KALRN: variants seen among roughly 807,000 people sequenced by gnomAD.
KALRN encodes kalirin.
Under a neutral mutation model 353.7 loss-of-function variants are expected in KALRN, and 70 were observed. That is an observed-to-expected ratio of 0.20 (90% CI 0.16 to 0.24). KALRN has a LOEUF of 0.24. KALRN is among the 10% of genes least tolerant of loss of function. The probability of loss-of-function intolerance (pLI) is 1.00; values close to 1 mark genes in which losing one functional copy is unlikely to be tolerated. For missense variants in KALRN, 2,791 were observed against 3,756.7 expected, an observed-to-expected ratio of 0.74 and a Z score of 6.72; for synonymous variants, 1,391 against 1,434.8, an observed-to-expected ratio of 0.97 and a Z score of 0.69.
intron 57 of KALRN, among the ~76,000 whole-genome samples, chr3:124,707,447 C>T (rs147054658): frequency 1.0e-3 from 94 of 94,136 alleles, no homozygotes; most frequent in African/African-American, 3.6e-3. Context: ...CCTTCCTTCC[C>T]TCCTTCCTTC....
intron 1 of KALRN, among the ~76,000 whole-genome samples, chr3:124,195,188 CT>C (rs2075308917): frequency 6.6e-6 from 1 of 152,126 alleles, no homozygotes; most frequent in Non-Finnish European, 1.5e-5. Context: ...ACTATAGCCC[CT>C]CATTAATGAA....
Position 124,679,486 on chromosome 3 carries a change from G to A in KALRN, c.7346G>A (p.Cys2449Tyr), listed in dbSNP as rs1285372467. 2 of 1,614,186 alleles carry A rather than the reference G, an allele frequency of 1.2e-6. No individual in the cohort carries two copies. Among genetic ancestry groups the A allele is most frequent in the South Asian group, 2.2e-5 (2 of 91,072 alleles). ...ACGAACAGTTCCGAGGAATCAGAGT[G>A]TGATGATCTTGACCCTAATACTAGC... ...KETNSSEESECDDLDPNTSME... is the reference protein window; with the variant it reads ...KETNSSEESEYDDLDPNTSME... The change falls in exon 51 of 60, where the codon TGT (cysteine) becomes TAT (tyrosine). Residue 2449 changes from cysteine to tyrosine, a missense_variant. By Grantham distance (194) the Cys-to-Tyr change is radical. Around this residue, in one of 11 missense-constraint regions of KALRN, gnomAD observed 1,065 missense variants for 1,156.4 expected, o/e 0.92. Coordinates refer to ENST00000682506, the MANE Select transcript of KALRN (RefSeq NM_001388419.1).
chr3:124,434,964 T>C (rs917546852), intron 17 of KALRN, among the ~76,000 whole-genome samples: 2 of 152,232 alleles, frequency 1.3e-5, no homozygotes, highest in Non-Finnish European at 2.9e-5. Flanking sequence ...GCAGACTGGG[T>C]CTAGATCTGT....
chr3:124,268,648 T>G, intron 4 of KALRN, 95 bp from the exon 5 acceptor site: 1 of 1,307,910 alleles, frequency 7.6e-7, no homozygotes, highest in Non-Finnish European at 1.1e-6. Flanking sequence ...TGGTCATTAT[T>G]ATGTGGATTT....
intron 37 of KALRN, among the ~76,000 whole-genome samples, chr3:124,644,723 T>C (rs1268744087): frequency 6.6e-6 from 1 of 152,204 alleles, no homozygotes; most frequent in African/African-American, 2.4e-5. Context: ...ATCCAGTCTA[T>C]CATTGATGGG....
intron 33 of KALRN, among the ~76,000 whole-genome samples, chr3:124,526,170 G>A (rs948514138): frequency 6.6e-6 from 1 of 152,170 alleles, no homozygotes; most frequent in Admixed American, 6.5e-5. Flanking sequence ...AAAGGGGATT[G>A]CTTAGATCAT....
At chr3:124,544,428 G>A (rs1232759552) in intron 33 of KALRN, among the ~76,000 whole-genome samples, 5 of 152,282 alleles carry the variant, frequency 3.3e-5, no homozygotes, top group East Asian at 1.9e-4. Context: ...AGGCGTGGTG[G>A]TGGGTGCCTG....
intron 1 of KALRN, among the ~76,000 whole-genome samples, chr3:124,168,675 G>A (rs1361740453): frequency 1.3e-5 from 2 of 152,132 alleles, no homozygotes; most frequent in Non-Finnish European, 2.9e-5. Flanking sequence ...CTTTCCGTCT[G>A]CTTCCTCTCA....
chr3:124,303,922 T>C (rs541351656), intron 6 of KALRN, among the ~76,000 whole-genome samples: 12 of 151,940 alleles, frequency 7.9e-5, no homozygotes, highest in Non-Finnish European at 1.6e-4. Flanking sequence ...CAAGGAAAAA[T>C]CAGATCTGGT....
At chr3:124,220,116 T>G (rs2077727252) in intron 1 of KALRN, among the ~76,000 whole-genome samples, 1 of 152,036 alleles carries the variant, frequency 6.6e-6, no homozygotes, top group Non-Finnish European at 1.5e-5. Context: ...GGCTAATATT[T>G]GTATTTTTAG....
intron 1 of KALRN, among the ~76,000 whole-genome samples, chr3:124,198,190 A>C (rs2075624042): frequency 1.3e-5 from 2 of 152,168 alleles, no homozygotes. Flanking sequence ...TTACTCCTAG[A>C]GGTCATCTAA....
chr3:124,238,573 G>T (rs1358803591), intron 3 of KALRN, among the ~76,000 whole-genome samples: 1 of 152,168 alleles, frequency 6.6e-6, no homozygotes, highest in Non-Finnish European at 1.5e-5. Context: ...CAGGGCCTCA[G>T]AACAGAGTAT....
chr3:124,568,338 G>C lies in KALRN; in HGVS notation c.5182+5249G>C, dbSNP rs891775559. Among the ~76,000 whole-genome samples the C allele has an allele frequency of 3.9e-5, 6 of 152,182 alleles. No homozygotes were observed. The South Asian group carries it at 1.2e-3, about 31-fold the overall frequency. ...AAAGGATGGCTATTGTTTAAAATGT[G>C]CACACACAGAAAATAACAAGTGTTA... On this transcript the variant is annotated intron_variant, in intron 34 of 59. Transcript: ENST00000682506.
chr3:124,135,065 A>T (rs1388509358), intron 1 of KALRN, among the ~76,000 whole-genome samples: 4 of 152,236 alleles, frequency 2.6e-5, no homozygotes, highest in Non-Finnish European at 5.9e-5. Context: ...CTTGAAAAAG[A>T]TACTTGCACA....
chr3:124,159,375 A>C (rs915166653), intron 1 of KALRN, among the ~76,000 whole-genome samples: 3 of 151,912 alleles, frequency 2.0e-5, no homozygotes, highest in Non-Finnish European at 4.4e-5. Flanking sequence ...GGCTCAAGTG[A>C]CCCTCCTACC....
chr3:124,162,424 AAAG>A (rs1191453116), intron 1 of KALRN: 5 of 152,166 alleles, frequency 3.3e-5, no homozygotes, highest in African/African-American at 1.2e-4. Flanking sequence ...ACAAAGAAAA[AAAG>A]CAATGTCTCC....
At chr3:124,509,679 A>G (rs183826322) in intron 33 of KALRN, among the ~76,000 whole-genome samples, 2 of 152,204 alleles carry the variant, frequency 1.3e-5, no homozygotes, top group East Asian at 1.9e-4. Context: ...ATTTCACTCT[A>G]TACATTATAT....
At chr3:124,057,371 A>G (rs2041643093) in intron 1 of KALRN, among the ~76,000 whole-genome samples, 1 of 152,194 alleles carries the variant, frequency 6.6e-6, no homozygotes, top group Non-Finnish European at 1.5e-5. Flanking sequence ...ATCAAGAGTC[A>G]GAACCAGAGG....
intron 33 of KALRN, among the ~76,000 whole-genome samples, chr3:124,558,347 G>A (rs923918945): frequency 1.3e-4 from 20 of 151,804 alleles, no homozygotes; most frequent in African/African-American, 4.4e-4. Flanking sequence ...GCATGATCTC[G>A]GCTCACTGCA....
Sources: gnomAD v4.1 joint callset for allele counts (sites outside exome capture counted in the v4.1 genomes callset) on GRCh38, gnomAD v4.1.1 for gene constraint, gnomAD v4.1.1 regional missense constraint, MANE v1.5 for transcripts, NCBI Gene and HGNC (gene_info 2026-07-23, HGNC 2026-07-21) for gene names.